Variants in ANO4 observed in about 807,000 individuals in gnomAD.
ANO4 encodes anoctamin 4.
A neutral mutation model predicts 141.9 loss-of-function variants in ANO4; 69 were observed. That is an observed-to-expected ratio of 0.49 (90% CI 0.40 to 0.59). The LOEUF (loss-of-function observed/expected upper bound fraction) is 0.59, where lower values mean the gene tolerates loss of function less well. ANO4 is among the 20% of genes least tolerant of loss of function. The pLI, the probability that ANO4 is intolerant of heterozygous loss-of-function variation, is 0.00. For synonymous variants in ANO4, 350 were observed against 394.3 expected (o/e 0.89, Z 1.33); for missense variants, 894 against 1,162.2 (o/e 0.77, Z 3.36).
chr12:101,104,615 GTATGTATGTGTGTATA>G (rs1458561101), intron 22 of ANO4, among the ~76,000 whole-genome samples: 2 of 66,076 alleles, frequency 3.0e-5, no homozygotes, highest in African/African-American at 1.7e-4. Flanking sequence ...GTGTGTGTGT[GTATGTATGTGTGTATA>G]TATATATATA....
intron 9 of ANO4, among the ~76,000 whole-genome samples, chr12:101,030,249 C>G (rs975081135): frequency 4.0e-5 from 6 of 151,882 alleles, no homozygotes; most frequent in East Asian, 1.9e-4. Context: ...TCAGCAAATG[C>G]AAAAAAACTG....
chr12:100,854,145 G>A (rs1232814330), intron 1 of ANO4, among the ~76,000 whole-genome samples: 1 of 152,126 alleles, frequency 6.6e-6, no homozygotes, highest in Non-Finnish European at 1.5e-5. Flanking sequence ...GTGTTGCTAA[G>A]TATAGAATTC....
intron 8 of ANO4, among the ~76,000 whole-genome samples, chr12:100,996,972 A>G (rs780746268): frequency 6.6e-6 from 1 of 152,150 alleles, no homozygotes; most frequent in East Asian, 1.9e-4. Flanking sequence ...GGGTAGAATA[A>G]TGATGGTCAG....
At chr12:100,849,824 T>C (rs2037775383) in intron 1 of ANO4, among the ~76,000 whole-genome samples, 1 of 152,214 alleles carries the variant, frequency 6.6e-6, no homozygotes, top group Non-Finnish European at 1.5e-5. Flanking sequence ...TTATATCAAT[T>C]GTTCTGTTAA....
At chr12:100,851,633 T>G (rs2037876337) in intron 1 of ANO4, among the ~76,000 whole-genome samples, 3 of 152,324 alleles carry the variant, frequency 2.0e-5, no homozygotes, top group South Asian at 4.1e-4. Context: ...TTTTCTCCTA[T>G]TTTAAAAATA....
At chr12:101,115,063 T>C (rs1378922896) in intron 24 of ANO4, among the ~76,000 whole-genome samples, 1 of 152,094 alleles carries the variant, frequency 6.6e-6, no homozygotes, top group Admixed American at 6.5e-5. Context: ...GTTCAGCAGC[T>C]TGGAATAATC....
intron 15 of ANO4, among the ~76,000 whole-genome samples, chr12:101,081,022 A>AGTGTGT (rs139769612): frequency 0.096 from 13,520 of 141,112 alleles, 720 homozygotes; most frequent in Non-Finnish European, 0.12. Flanking sequence ...TATGTATGTG[A>AGTGTGT]GTGTGTGTAT....
intron 1 of ANO4, among the ~76,000 whole-genome samples, chr12:100,896,428 G>GA (rs1424247425): frequency 3.3e-5 from 5 of 152,294 alleles, no homozygotes; most frequent in African/African-American, 1.2e-4. Context: ...AGGAGGCAAG[G>GA]AATGGATTCT....
At chr12:100,733,956 A>G in intron 2 of ANO4, 1 of 611,956 alleles carries the variant, frequency 1.6e-6, no homozygotes, top group Non-Finnish European at 2.9e-6. Context: ...AAGAAAATAT[A>G]AATGCATAGG....
intron 5 of ANO4, among the ~76,000 whole-genome samples, chr12:100,966,834 T>C (rs536519829): frequency 2.5e-4 from 31 of 121,912 alleles, no homozygotes; most frequent in African/African-American, 1.0e-3. Flanking sequence ...TATACACATA[T>C]ATATACACAC....
At chr12:100,883,073 A>G (rs1244865039) in intron 1 of ANO4, among the ~76,000 whole-genome samples, 1 of 152,224 alleles carries the variant, frequency 6.6e-6, no homozygotes, top group East Asian at 1.9e-4. Context: ...GGAAAAGCCA[A>G]GCTGCGACAC....
chr12:100,956,580 A>G (rs971851655), intron 5 of ANO4, among the ~76,000 whole-genome samples: 2 of 152,204 alleles, frequency 1.3e-5, no homozygotes, highest in African/African-American at 4.8e-5. Flanking sequence ...TTCTTCAGCC[A>G]GAATATTCTT....
intron 5 of ANO4, among the ~76,000 whole-genome samples, chr12:100,949,450 G>A (rs942132910): frequency 1.3e-5 from 2 of 152,146 alleles, no homozygotes; most frequent in Admixed American, 6.5e-5. Flanking sequence ...TATCTCATGG[G>A]TTATTTTAAT....
chr12:100,953,848 G>A (rs2043072731), intron 5 of ANO4, among the ~76,000 whole-genome samples: 1 of 151,966 alleles, frequency 6.6e-6, no homozygotes, highest in Non-Finnish European at 1.5e-5. Context: ...GCTGGCATGG[G>A]TGTAGGAAGA....
intron 7 of ANO4, among the ~76,000 whole-genome samples, chr12:100,980,940 A>T (rs1000289644): frequency 1.3e-5 from 2 of 152,124 alleles, no homozygotes; most frequent in Middle Eastern, 3.2e-3. Flanking sequence ...TGTGGAAGAT[A>T]TGATTACAAA....
intron 5 of ANO4, among the ~76,000 whole-genome samples, chr12:100,951,383 T>A (rs1308552651): frequency 6.6e-6 from 1 of 152,164 alleles, no homozygotes; most frequent in Non-Finnish European, 1.5e-5. Flanking sequence ...CACATACACA[T>A]GTATGTTCGC....
At chr12:101,111,086 A>G (rs2050646490) in intron 23 of ANO4, among the ~76,000 whole-genome samples, 1 of 152,228 alleles carries the variant, frequency 6.6e-6, no homozygotes, top group Non-Finnish European at 1.5e-5. Context: ...TCACCCAGCC[A>G]ATATGTGTGG....
intron 1 of ANO4, among the ~76,000 whole-genome samples, chr12:100,899,138 G>A (rs918426372): frequency 6.6e-6 from 1 of 152,194 alleles, no homozygotes; most frequent in Non-Finnish European, 1.5e-5. Context: ...GTGCCTGGGG[G>A]CAGCCTGCCA....
intron 14 of ANO4, among the ~76,000 whole-genome samples, chr12:101,074,169 G>A (rs1287070990): frequency 1.2e-4 from 19 of 152,258 alleles, no homozygotes; most frequent in Admixed American, 5.2e-4. Context: ...GATCGCTGTA[G>A]CACAAAGGCA....
Sources: gnomAD v4.1 joint callset for allele counts (sites outside exome capture counted in the v4.1 genomes callset) on GRCh38, gnomAD v4.1.1 for gene constraint, MANE v1.5 for transcripts, NCBI Gene and HGNC (gene_info 2026-07-23, HGNC 2026-07-21) for gene names.